The following BCCIP variants were observed in gnomAD, a reference collection of about 807,000 sequenced individuals.
The protein encoded by BCCIP is BRCA2 and CDKN1A-interacting protein.
A neutral mutation model predicts 32.8 loss-of-function variants in BCCIP; 23 were observed. The ratio of observed to expected loss-of-function variants is 0.70; its 90% CI spans 0.51 to 0.99. The LOEUF is 0.99. BCCIP is among the 50% of genes least tolerant of loss of function. The pLI is 0.00. For missense variants in BCCIP, 378 were observed against 379.8 expected (o/e 1.00, Z 0.04); for synonymous variants, 144 against 137.6 (o/e 1.05, Z -0.33).
intron 5 of BCCIP, 50 bp downstream of exon 5, chr10:125,831,657 A>G: frequency 6.6e-7 from 1 of 1,519,682 alleles, no homozygotes; most frequent in Non-Finnish European, 9.0e-7. Context: ...TTTTTCAAAT[A>G]GATTCCTAAA....
chr10:125,841,951 A>T, exon 7 of BCCIP: 1 of 1,571,332 alleles, frequency 6.4e-7, no homozygotes, highest in Non-Finnish European at 8.6e-7. Context: ...AAGGAAAAAA[A>T]TAATAATTTA....
chr10:125,824,155 A>T (rs1481223502), intron 1 of BCCIP, among the ~76,000 whole-genome samples: 1 of 152,178 alleles, frequency 6.6e-6, no homozygotes, highest in Non-Finnish European at 1.5e-5. Context: ...CTACCGTAGA[A>T]GCCTTTTCAA....
chr10:125,846,418 T>G (rs985546372), downstream of BCCIP, among the ~76,000 whole-genome samples: 1 of 152,194 alleles, frequency 6.6e-6, no homozygotes, highest in Non-Finnish European at 1.5e-5. Context: ...TAAAGGACTT[T>G]ATGTTTGGTG....
downstream of BCCIP, chr10:125,838,506 G>T (rs1446252090): frequency 2.1e-6 from 2 of 940,738 alleles, no homozygotes; most frequent in East Asian, 5.6e-5. Context: ...ACTAACGTTT[G>T]CCACTCATGT....
In BCCIP at chr10:125,836,245, G is replaced by A; in HGVS notation, c.916G>A (p.Asp306Asn). The A allele has an allele frequency of 6.2e-7, 1 of 1,614,200 alleles. No individual in the cohort carries two copies. The highest frequency in any genetic ancestry group is 1.7e-5 in the Admixed American group (1 of 60,022). ...IPGDKMNEIM[D>N]KLKEYLSV ...AGGCGACAAGATGAACGAAATCATG[G>A]ATAAACTGAAAGAATATCTATCTGT... Residue 306 changes from aspartate (D) to asparagine (N), a missense_variant, in exon 7 of 7, where the codon GAT becomes AAT. Physicochemically the swap from Asp to Asn is conservative, Grantham distance 23. Coordinates refer to ENST00000278100, the MANE Select transcript of BCCIP (RefSeq NM_078468.3).
rs971904234 is a variant in BCCIP, at chr10:125,827,995, T to A, written c.321+357T>A. Among the ~76,000 whole-genome samples the A allele has an allele frequency of 1.1e-4, 16 of 147,310 alleles. 1 individual carries two copies. The highest frequency in any genetic ancestry group is 3.8e-4 in the African/African-American group (15 of 40,000). ...AAAAAAAAAAAAAAAAAAAAAAAGT[T>A]CTTTATTCTGTTTAGCTCAAATTGG... is the stretch of plus-strand genomic sequence containing the variant. On this transcript the variant is annotated intron_variant, in intron 3 of 6. Transcript: ENST00000278100.
chr10:125,852,503 A>C, intron 7 of BCCIP: 1 of 1,613,230 alleles, frequency 6.2e-7, no homozygotes, highest in Non-Finnish European at 8.5e-7. Flanking sequence ...GCCTGCATAC[A>C]AGAATTGACA....
chr10:125,823,845 A>G, intron 1 of BCCIP, 123 bp downstream of exon 1: 3 of 1,395,618 alleles, frequency 2.1e-6, no homozygotes, highest in Non-Finnish European at 2.0e-6. Flanking sequence ...GAAACTGGAG[A>G]TAAGTTCTTT....
chr10:125,845,182 C>T (rs1010335086), downstream of BCCIP, among the ~76,000 whole-genome samples: 8 of 152,172 alleles, frequency 5.3e-5, no homozygotes, highest in Non-Finnish European at 7.3e-5. Flanking sequence ...CGGCATGTTT[C>T]CCATGTTCTT....
Position 125,823,699 on chromosome 10 carries a change from G to A in BCCIP, c.142G>A (p.Glu48Lys), listed in dbSNP as rs1487437822. 50 of 1,614,034 alleles carry A rather than the reference G, an allele frequency of 3.1e-5. No individual in the cohort carries two copies. The highest frequency in any genetic ancestry group is 4.0e-5 in the Non-Finnish European group (47 of 1,180,004). The part of the protein sequence containing the change: ...DDDDSDKEKD[E>K]EDEVIDEEVN... ...TGATGACAGTGACAAGGAAAAGGAT[G>A]AAGAGGACGAGGTCATTGACGAGGT... The change falls in exon 1 of 7, where the codon GAA becomes AAA. Residue 48 changes from glutamate to lysine, a missense_variant. Coordinates refer to ENST00000278100, the MANE Select transcript of BCCIP (RefSeq NM_078468.3).
chr10:125,823,835 G>A, intron 1 of BCCIP, 113 bp downstream of exon 1: 2 of 1,426,986 alleles, frequency 1.4e-6, no homozygotes, highest in Non-Finnish European at 9.5e-7. Context: ...TCTGTGAGGA[G>A]AAACTGGAGA....
chr10:125,846,110 C>T (rs564330240), downstream of BCCIP, among the ~76,000 whole-genome samples: 1 of 152,284 alleles, frequency 6.6e-6, no homozygotes, highest in South Asian at 2.1e-4. Flanking sequence ...CCTGTCTAGT[C>T]AGTATTCCTC....
chr10:125,853,153 G>T, exon 8 of BCCIP: 1 of 1,610,638 alleles, frequency 6.2e-7, no homozygotes, highest in Non-Finnish European at 8.5e-7. Flanking sequence ...TGACAGCCCT[G>T]GTTTCTCTGA....
intron 7 of BCCIP, chr10:125,852,266 C>G (rs773593835): frequency 6.2e-7 from 1 of 1,608,874 alleles, no homozygotes; most frequent in African/African-American, 1.3e-5. Context: ...AGCCTAATGC[C>G]TGGCTGACAT....
intron 7 of BCCIP, among the ~76,000 whole-genome samples, chr10:125,850,296 C>T (rs969402088): frequency 6.6e-6 from 1 of 151,364 alleles, no homozygotes; most frequent in Non-Finnish European, 1.5e-5. Context: ...TCTTTAATTC[C>T]TCTTTTCACC....
downstream of BCCIP, chr10:125,839,291 C>CTTTG: frequency 8.1e-7 from 1 of 1,234,030 alleles, no homozygotes; most frequent in Non-Finnish European, 1.1e-6. Flanking sequence ...CTCTCCTCTC[C>CTTTG]TACAAAGGAG....
Position 125,836,351 on chromosome 10 carries a change from C to CA in BCCIP, c.*78dup. The CA allele has an allele frequency of 1.2e-6, 2 of 1,606,540 alleles. No individual in the cohort carries two copies. The highest frequency in any genetic ancestry group is 1.7e-6 in the Non-Finnish European group (2 of 1,176,714). ...CTCAGTGGAGATTTACTGAAAAACT[C>CA]AGACTTTATTCAGATTAAGTTCCTC... On this transcript the variant is annotated 3_prime_UTR_variant, in exon 7 of 7. Coordinates refer to ENST00000278100, the MANE Select transcript of BCCIP (RefSeq NM_078468.3).
exon 7 of BCCIP, chr10:125,842,032 T>C (rs966761588): frequency 7.3e-7 from 1 of 1,372,832 alleles, no homozygotes; most frequent in African/African-American, 1.5e-5. Context: ...AAGCAAACAA[T>C]GGACAAAATA....
At chr10:125,831,684 T>C (rs1854524003) in intron 5 of BCCIP, 77 bp downstream of exon 5, 2 of 1,365,164 alleles carry the variant, frequency 1.5e-6, no homozygotes, top group East Asian at 2.3e-5. Flanking sequence ...TTAAGTAGAA[T>C]ATGTAGATAT....
Sources: allele counts gnomAD v4.1 joint callset (sites outside exome capture counted in the v4.1 genomes callset), GRCh38; gene constraint gnomAD v4.1.1; transcripts MANE v1.5; gene names NCBI Gene and HGNC (gene_info 2026-07-23, HGNC 2026-07-21).